KATNA1: variants seen among roughly 807,000 people sequenced by gnomAD.
KATNA1 encodes the protein katanin p60 ATPase-containing subunit A1.
Under a neutral mutation model 62.6 loss-of-function variants are expected in KATNA1, and 42 were observed. The observed-to-expected ratio is 0.67, with a 90% CI of 0.52 to 0.87. The LOEUF is 0.87. KATNA1 is among the 40% of genes least tolerant of loss of function. The pLI is 0.00. For missense variants in KATNA1, 498 were observed against 612.5 expected (o/e 0.81, Z 1.97); for synonymous variants, 186 against 201.9 (o/e 0.92, Z 0.67).
chr6:149,610,097 C>G (rs1326770745), intron 4 of KATNA1, among the ~76,000 whole-genome samples: 5 of 101,722 alleles, frequency 4.9e-5, no homozygotes, highest in Middle Eastern at 6.7e-3. Flanking sequence ...GAAACTCCGT[C>G]TCAAAAAAAA....
intron 3 of KATNA1, among the ~76,000 whole-genome samples, chr6:149,630,484 C>A (rs2114600637): frequency 6.6e-6 from 1 of 152,240 alleles, no homozygotes; most frequent in East Asian, 1.9e-4. Context: ...CAAAAATTAG[C>A]CGGGCGTGGT....
intron 6 of KATNA1, among the ~76,000 whole-genome samples, chr6:149,602,816 G>A (rs1778600995): frequency 6.6e-6 from 1 of 151,600 alleles, no homozygotes; most frequent in Non-Finnish European, 1.5e-5. Context: ...CCACCTCCCA[G>A]GTTCAGGCAA....
intron 2 of KATNA1, among the ~76,000 whole-genome samples, chr6:149,634,855 ACTAATTTTATGG>A (rs1780008334): frequency 6.6e-6 from 1 of 152,172 alleles, no homozygotes; most frequent in Admixed American, 6.6e-5. Context: ...ATCAGAATAT[ACTAATTTTATGG>A]CTAATGGGTC....
At position 149,595,105 on chromosome 6, in the gene KATNA1, A is replaced by T. The variant is rs1270640998; in HGVS notation, c.1407T>A (p.Val469=). 1 of 1,614,016 alleles carries T rather than the reference A, an allele frequency of 6.2e-7. No homozygotes were observed. Residue 469 remains valine, a synonymous_variant, in exon 11 of 11, where the codon GTT becomes GTA. Transcript: ENST00000367411. ...TGTCTGCAGCAGACACTGACTTAGAAACCTTTTTTAAAGCCATCTCGAAAT... is the reference window on the plus strand; with the variant it reads ...TGTCTGCAGCAGACACTGACTTAGATACCTTTTTTAAAGCCATCTCGAAAT... ...MEDFEMALKK[V]SKSVSAADIE...
chr6:149,632,809 A>T lies in KATNA1; in HGVS notation c.270T>A (p.Leu90=). 1 of 1,613,776 alleles carries T rather than the reference A, an allele frequency of 6.2e-7. No homozygotes were observed. Among genetic ancestry groups the T allele is most frequent in the Non-Finnish European group, 8.5e-7 (1 of 1,179,886 alleles). ...ACCAGACTTCTCCCTCAGAAGCTGG[A>T]AGGTCATGCTGTGCCGCTTTCAAGG... ...STPLKAAQHD[L]PASEGEVWSM... Residue 90 remains leucine, a synonymous_variant, in exon 3 of 11, where the codon CTT becomes CTA. Transcript: ENST00000367411.
chr6:149,647,019 C>A (rs1780511479), intron 1 of KATNA1, among the ~76,000 whole-genome samples: 1 of 152,004 alleles, frequency 6.6e-6, no homozygotes. Flanking sequence ...GTGGAGAATC[C>A]CTTGTGGACT....
chr6:149,636,791 C>T lies in KATNA1; in HGVS notation c.162+1595G>A, dbSNP rs1441245891. Reference sequence around the variant, plus strand: ...AAGTAGCTGACATTACAGATGCCCGCCACTATACCCAGCTAATTTTTTTGT... The same window carrying T: ...AAGTAGCTGACATTACAGATGCCCGTCACTATACCCAGCTAATTTTTTTGT... On this transcript the variant is annotated intron_variant, in intron 2 of 10. Transcript: ENST00000367411. Among the ~76,000 whole-genome samples the T allele has an allele frequency of 2.6e-5, 4 of 152,052 alleles. No homozygotes were observed. The East Asian group carries it at 5.8e-4, about 22-fold the overall frequency.
chr6:149,606,050 G>A (rs1220012427), intron 4 of KATNA1, among the ~76,000 whole-genome samples: 3 of 152,002 alleles, frequency 2.0e-5, no homozygotes, highest in East Asian at 1.9e-4. Context: ...GTGAGCCACT[G>A]TGTCCGGCCT....
At chr6:149,644,604 G>A (rs9800614) in intron 1 of KATNA1, among the ~76,000 whole-genome samples, 69,612 of 151,668 alleles carry the variant, frequency 0.46, 17,256 homozygotes, top group East Asian at 0.81. Flanking sequence ...CTGGGTAAAA[G>A]AGTAAGGCTC....
rs1350739110 is a variant in KATNA1 at position 149,597,726 on chromosome 6, A to G, written c.1016-85T>C. 12 of 1,282,554 alleles carry G rather than the reference A, an allele frequency of 9.4e-6. No homozygotes were observed. The African/African-American group carries it at 1.5e-4, about 16-fold the overall frequency. The allele number at this position is 1,282,554 out of a possible 1,614,324, so 79.4% of individuals were successfully genotyped here. On this transcript the variant is annotated intron_variant, in intron 8 of 10. Transcript: ENST00000367411. ...CTCAGCTATTTAAAGATCAACAACTATTTAGTACAACAATACAAGGAAGCA... is the reference window on the plus strand; with the variant it reads ...CTCAGCTATTTAAAGATCAACAACTGTTTAGTACAACAATACAAGGAAGCA...
intron 2 of KATNA1, among the ~76,000 whole-genome samples, chr6:149,635,694 G>T (rs907817709): frequency 6.7e-6 from 1 of 148,944 alleles, no homozygotes; most frequent in Non-Finnish European, 1.5e-5. Flanking sequence ...GGGCAACAGA[G>T]TGAGACTCCG....
Position 149,639,469 on chromosome 6 carries a change from C to T in KATNA1, c.-13-909G>A, listed in dbSNP as rs185456579. On this transcript the variant is annotated intron_variant, in intron 1 of 10. Coordinates refer to ENST00000367411, the MANE Select transcript of KATNA1 (RefSeq NM_007044.4). ...CAAAAATTAGCTGGGCATGGTGGCA[C>T]GTGCCTGTAATCACAGCTACTCAGG... 1.6e-3 allele frequency among the ~76,000 whole-genome samples: 244 copies of T among 151,962 alleles called. 1 individual carries two copies. The highest frequency in any genetic ancestry group is 5.4e-3 in the African/African-American group (222 of 41,458).
chr6:149,595,295 C>CTGTT (rs1288345616), intron 10 of KATNA1, 61 bp from the exon 11 acceptor site: 27 of 1,380,432 alleles, frequency 2.0e-5, no homozygotes, highest in Non-Finnish European at 2.6e-5. Flanking sequence ...AAATGAAAAC[C>CTGTT]TGTTAATAGA....
At chr6:149,595,835 G>A (rs1446562007) in intron 10 of KATNA1, among the ~76,000 whole-genome samples, 2 of 152,284 alleles carry the variant, frequency 1.3e-5, no homozygotes, top group South Asian at 4.1e-4. Flanking sequence ...AGGAGGAAAC[G>A]AGCGCAGTCA....
Position 149,597,108 on chromosome 6 carries a change from T to C in KATNA1, c.1232A>G (p.Glu411Gly). The C allele has an allele frequency of 6.2e-7, 1 of 1,614,178 alleles. No homozygotes were observed. The highest frequency in any genetic ancestry group is 8.5e-7 in the Non-Finnish European group (1 of 1,180,000). Residue 411 changes from glutamate to glycine, a missense_variant, in exon 10 of 11, where the codon GAA becomes GGA. By Grantham distance (98) the Glu-to-Gly change is moderately conservative (BLOSUM62 -2). Coordinates refer to ENST00000367411, the MANE Select transcript of KATNA1 (RefSeq NM_007044.4). ...CGCACCTGAATAACCTTCCATGTTT[T>C]CTGCTATACTTGCAAGGTCAACATC... ...ADDVDLASIA[E>G]NMEGYSGADI...
chr6:149,619,239 A>G (rs1025504255), intron 4 of KATNA1, among the ~76,000 whole-genome samples: 11 of 152,298 alleles, frequency 7.2e-5, no homozygotes, highest in Non-Finnish European at 8.8e-5. Context: ...AAAATCCTCA[A>G]TGTCACTAAT....
At chr6:149,629,475 T>A (rs1031115555) in intron 3 of KATNA1, among the ~76,000 whole-genome samples, 1 of 152,152 alleles carries the variant, frequency 6.6e-6, no homozygotes, top group Non-Finnish European at 1.5e-5. Context: ...AACAAATGTA[T>A]GTTGTTTAAG....
intron 1 of KATNA1, among the ~76,000 whole-genome samples, chr6:149,644,975 C>T (rs1780423484): frequency 6.6e-6 from 1 of 152,172 alleles, no homozygotes; most frequent in African/African-American, 2.4e-5. Flanking sequence ...TTCCCCATTC[C>T]CTTATTACTC....
In KATNA1 at chr6:149,597,129, ACAT is replaced by A. The variant is rs774848095; in HGVS notation, c.1208_1210del (p.Asp403del). ...GTTTTCTGCTATACTTGCAAGGTCA[ACAT>A]CATCAGCCAATTCCAACTCACGTAG... On this transcript the variant is annotated inframe_deletion, in exon 10 of 11. Transcript: ENST00000367411. 1.2e-6 allele frequency: 2 copies of A among 1,614,138 alleles called. No homozygotes were observed. Among genetic ancestry groups the A allele is most frequent in the South Asian group, 2.2e-5 (2 of 91,080 alleles).
Sources: gnomAD v4.1 joint callset for allele counts (sites outside exome capture counted in the v4.1 genomes callset) on GRCh38, gnomAD v4.1.1 for gene constraint, MANE v1.5 for transcripts, NCBI Gene and HGNC (gene_info 2026-07-23, HGNC 2026-07-21) for gene names.